BBS9: variants seen among roughly 807,000 people sequenced by gnomAD.
The protein encoded by BBS9 is protein PTHB1.
A neutral mutation model predicts 117.7 loss-of-function variants in BBS9; 89 were observed. That is an observed-to-expected ratio of 0.76 (90% CI 0.64 to 0.90). The LOEUF (loss-of-function observed/expected upper bound fraction) is 0.90, where lower values mean the gene tolerates loss of function less well. Among genes scored for constraint, BBS9 ranks in the 40% least tolerant of loss-of-function variants. The pLI is 0.00. For synonymous variants in BBS9, 379 were observed against 370.9 expected (o/e 1.02, Z -0.25); for missense variants, 982 against 1,042.2 (o/e 0.94, Z 0.80).
intron 4 of BBS9, among the ~76,000 whole-genome samples, chr7:33,161,806 T>G (rs6462462): frequency 1.3e-5 from 2 of 152,140 alleles, no homozygotes; most frequent in East Asian, 3.9e-4. Context: ...TTTTAATGAT[T>G]GCCATTCTAA....
At chr7:33,477,517 T>A (rs1172418547) in intron 19 of BBS9, among the ~76,000 whole-genome samples, 1 of 152,206 alleles carries the variant, frequency 6.6e-6, no homozygotes. Flanking sequence ...GTTATTATTT[T>A]TTTTAAAGCT....
At chr7:33,521,561 T>C (rs1452928400) in intron 20 of BBS9, among the ~76,000 whole-genome samples, 1 of 152,166 alleles carries the variant, frequency 6.6e-6, no homozygotes, top group Non-Finnish European at 1.5e-5. Flanking sequence ...AGTTAGTAGA[T>C]TACATGTGGA....
chr7:33,441,018 C>G (rs1054693419), intron 19 of BBS9, among the ~76,000 whole-genome samples: 1 of 152,078 alleles, frequency 6.6e-6, no homozygotes, highest in Non-Finnish European at 1.5e-5. Flanking sequence ...ATTCATTGAA[C>G]TGAGAACTTA....
In BBS9 at chr7:33,534,154, C is replaced by T. The variant is rs1163398668; in HGVS notation, c.2499C>T (p.Ala833=). The change falls in exon 21 of 23, where the codon GCC becomes GCT. Residue 833 remains alanine (A), a synonymous_variant. Transcript: ENST00000242067. ...TCTGCCTAAGTACCGATGCAGCAGC[C>T]CCACAGACCATGGTCATGCCAGGTA... ...GRLCLSTDAA[A]PQTMVMPGGC... 1.2e-6 allele frequency: 2 copies of T among 1,614,136 alleles called. No homozygotes were observed. The highest frequency in any genetic ancestry group is 1.6e-4 in the Middle Eastern group (1 of 6,062).
intron 20 of BBS9, among the ~76,000 whole-genome samples, chr7:33,515,954 AATG>A (rs1310352993): frequency 6.6e-6 from 1 of 152,196 alleles, no homozygotes; most frequent in Non-Finnish European, 1.5e-5. Flanking sequence ...TTTTTTGCTC[AATG>A]ATAAGTCATG....
intron 9 of BBS9, among the ~76,000 whole-genome samples, chr7:33,335,059 T>C (rs760802257): frequency 6.6e-6 from 1 of 152,202 alleles, no homozygotes; most frequent in Non-Finnish European, 1.5e-5. Context: ...GTTGAGCTTT[T>C]AGATTAATGA....
intron 5 of BBS9, among the ~76,000 whole-genome samples, chr7:33,185,011 A>G (rs371954911): frequency 1.5e-4 from 23 of 152,280 alleles, no homozygotes; most frequent in South Asian, 2.1e-4. Flanking sequence ...AGACCATACA[A>G]TGTAATTCCC....
chr7:33,570,443 A>G (rs758143007), intron 21 of BBS9, among the ~76,000 whole-genome samples: 70 of 152,196 alleles, frequency 4.6e-4, no homozygotes, highest in Non-Finnish European at 7.9e-4. Flanking sequence ...AATAGGGGGG[A>G]AAGGACAGCT....
At chr7:33,494,336 T>G (rs189384631) in intron 19 of BBS9, among the ~76,000 whole-genome samples, 1 of 152,192 alleles carries the variant, frequency 6.6e-6, no homozygotes, top group Non-Finnish European at 1.5e-5. Flanking sequence ...GAAACCCTGC[T>G]CTAGAGTGCA....
chr7:33,144,781 T>C (rs940743568), intron 1 of BBS9, among the ~76,000 whole-genome samples: 4 of 152,218 alleles, frequency 2.6e-5, no homozygotes, highest in African/African-American at 7.2e-5. Context: ...TTTAGGATGT[T>C]GTGAGAGTGA....
At chr7:33,541,157 A>G (rs893435686) in intron 21 of BBS9, among the ~76,000 whole-genome samples, 1 of 151,946 alleles carries the variant, frequency 6.6e-6, no homozygotes, top group African/African-American at 2.4e-5. Flanking sequence ...CAAGCTCCAC[A>G]TGTCTCCACC....
At chr7:33,384,717 A>T (rs10252064) in intron 18 of BBS9, among the ~76,000 whole-genome samples, 5,723 of 123,918 alleles carry the variant, frequency 0.046, 117 homozygotes, top group Middle Eastern at 0.066. Context: ...TGTGTGTGTG[A>T]GAGAGAGAGA....
At chr7:33,481,423 A>G (rs1170788200) in intron 19 of BBS9, among the ~76,000 whole-genome samples, 1 of 152,230 alleles carries the variant, frequency 6.6e-6, no homozygotes, top group Non-Finnish European at 1.5e-5. Flanking sequence ...AAATAAGGGT[A>G]GGAAAAGGTC....
At chr7:33,168,468 A>T (rs1322198703) in intron 4 of BBS9, among the ~76,000 whole-genome samples, 2 of 152,214 alleles carry the variant, frequency 1.3e-5, no homozygotes, top group African/African-American at 4.8e-5. Flanking sequence ...TACTCAACGC[A>T]TAAATGAAAA....
In BBS9 at chr7:33,605,196, A is replaced by G; in HGVS notation, c.2634A>G (p.Glu878=). 6.2e-7 allele frequency: 1 copy of G among 1,611,826 alleles called. No homozygotes were observed. The highest frequency in any genetic ancestry group is 8.5e-7 in the Non-Finnish European group (1 of 1,178,062). ...CTCTCTTACTCTCTTTTTTTCCAGA[A>G]GTTTCACCCCTCCAAGGAGTCTCGG... ...RHLTAETPRP[E]VSPLQGVSE Residue 878 remains glutamate, a splice_region_variant and synonymous_variant, in exon 23 of 23, where the codon GAA becomes GAG. Coordinates refer to ENST00000242067, the MANE Select transcript of BBS9 (RefSeq NM_198428.3).
rs552476271 is a variant in BBS9, at chr7:33,632,020, G to C, written c.2522-3157G>C. Among the ~76,000 whole-genome samples, 39 of 152,288 alleles carry C rather than the reference G, an allele frequency of 2.6e-4. No individual in the cohort carries two copies. The South Asian group carries it at 3.9e-3, about 15-fold the overall frequency. ...TTGTATTTCGTGTTGAGGGAAAGGAGAGATTTGCCTACAAATTAGGCTGGA... is the reference window on the plus strand; with the variant it reads ...TTGTATTTCGTGTTGAGGGAAAGGACAGATTTGCCTACAAATTAGGCTGGA... On this transcript the variant is annotated intron_variant, in intron 21 of 21. Coordinates refer to the BBS9 transcript ENST00000671952.
At chr7:33,387,952 G>C (rs201083467) in intron 18 of BBS9, 40 bp from the exon 19 acceptor site, 27 of 1,595,566 alleles carry the variant, frequency 1.7e-5, no homozygotes, top group Non-Finnish European at 2.1e-5. Context: ...GATGTTTTTT[G>C]TGTCCATTTA....
At chr7:33,602,519 G>A (rs1487304302) in intron 21 of BBS9, among the ~76,000 whole-genome samples, 1 of 152,058 alleles carries the variant, frequency 6.6e-6, no homozygotes, top group Non-Finnish European at 1.5e-5. Context: ...ATCTGAGGTT[G>A]GAAGTTCGAG....
intron 21 of BBS9, among the ~76,000 whole-genome samples, chr7:33,575,922 AT>A (rs751345064): frequency 3.9e-4 from 60 of 152,324 alleles, no homozygotes; most frequent in South Asian, 1.0e-3. Context: ...AATAAGAGCT[AT>A]TTATGACAAT....
Sources: gnomAD v4.1 joint callset for allele counts (sites outside exome capture counted in the v4.1 genomes callset) on GRCh38, gnomAD v4.1.1 for gene constraint, MANE v1.5 for transcripts, NCBI Gene and HGNC (gene_info 2026-07-23, HGNC 2026-07-21) for gene names.